DAZAP1: variants seen among roughly 807,000 people sequenced by gnomAD.
DAZAP1 encodes the protein DAZ-associated protein 1.
Under a neutral mutation model 60.1 loss-of-function variants are expected in DAZAP1, and 6 were observed. That is an observed-to-expected ratio of 0.10 (90% CI 0.05 to 0.20). The LOEUF is 0.20. DAZAP1 is among the 10% of genes least tolerant of loss of function. The probability of loss-of-function intolerance (pLI) is 1.00; values close to 1 mark genes in which losing one functional copy is unlikely to be tolerated. For missense variants in DAZAP1, 366 were observed against 560.4 expected, an observed-to-expected ratio of 0.65 and a Z score of 3.50; for synonymous variants, 235 against 215.9, an observed-to-expected ratio of 1.09 and a Z score of -0.78.
rs1355328357 is a variant in DAZAP1, at chr19:1,435,406, G to C, written c.*494G>C. ...TAGTCCCCTCGCTCCTGGCTTTGGG[G>C]GTTGGGACTTGGTGGTCCAGAAACT... is the stretch of plus-strand genomic sequence containing the variant. On this transcript the variant is annotated 3_prime_UTR_variant, in exon 12 of 12. Coordinates refer to ENST00000233078, the MANE Select transcript of DAZAP1 (RefSeq NM_018959.4). 1 of 152,282 alleles carries C rather than the reference G, an allele frequency of 6.6e-6. No individual in the cohort carries two copies. The highest frequency in any genetic ancestry group is 1.5e-5 in the Non-Finnish European group (1 of 68,046). The allele number at this position is 152,282 out of a possible 1,614,324, so 9.4% of individuals were successfully genotyped here. A position where few individuals can be genotyped will look rare whatever the true frequency, so the allele number is the denominator to read the frequency against.
In DAZAP1 at chr19:1,419,762, C is replaced by T. The variant is rs528592528; in HGVS notation, c.303+1031C>T. 2.1e-4 allele frequency among the ~76,000 whole-genome samples: 32 copies of T among 152,098 alleles called. No individual in the cohort carries two copies. In the South Asian group the frequency reaches 6.2e-3, roughly 30 times the overall value. ...ACTCATGAAACCATCCCGACCGTCA[C>T]GGCAGCGAGCACTCACCCCACGCAC... On this transcript the variant is annotated intron_variant, in intron 4 of 11. Coordinates refer to ENST00000233078, the MANE Select transcript of DAZAP1 (RefSeq NM_018959.4).
intron 4 of DAZAP1, among the ~76,000 whole-genome samples, chr19:1,419,522 G>A (rs375700602): frequency 2.6e-5 from 4 of 152,206 alleles, no homozygotes; most frequent in Admixed American, 1.3e-4. Context: ...CCGTCAGCAC[G>A]CTGGAAAGCG....
Position 1,432,491 on chromosome 19 carries a change from C to T in DAZAP1, c.872-23C>T. The stretch of plus-strand genomic sequence containing the variant: ...CCCAGCTGCACAACGTGTCTTGTGC[C>T]TTGCCCTCTTGTACCTCTGCAGGTT... On this transcript the variant is annotated intron_variant, in intron 10 of 11. Coordinates refer to ENST00000233078, the MANE Select transcript of DAZAP1 (RefSeq NM_018959.4). This position sits in a 1 kb window ranked among gnomAD's most constrained non-coding sequence, Gnocchi z 4.9. The T allele has an allele frequency of 6.2e-7, 1 of 1,613,450 alleles. No individual in the cohort carries two copies. Among genetic ancestry groups the T allele is most frequent in the Non-Finnish European group, 8.5e-7 (1 of 1,179,850 alleles).
chr19:1,435,465 T>C lies in DAZAP1; in HGVS notation c.*553T>C, dbSNP rs1483395018. 6.6e-6 allele frequency: 1 copy of C among 152,148 alleles called. No homozygotes were observed. Among genetic ancestry groups the C allele is most frequent in the East Asian group, 1.9e-4 (1 of 5,194 alleles). The allele number at this position is 152,148 out of a possible 1,614,324, so 9.4% of individuals were successfully genotyped here. ...TTCTAGAAGAAATCTACTGAGTGTA[T>C]TTCTGTTTTTTGTTTAATTCCTTGC... On this transcript the variant is annotated 3_prime_UTR_variant, in exon 12 of 12. Coordinates refer to ENST00000233078, the MANE Select transcript of DAZAP1 (RefSeq NM_018959.4).
chr19:1,414,108 C>T (rs1211520930), intron 1 of DAZAP1, among the ~76,000 whole-genome samples: 1 of 151,652 alleles, frequency 6.6e-6, no homozygotes. Flanking sequence ...CTCCGCCTCC[C>T]GGGTTCAAGC....
At chr19:1,431,198 G>C (rs912323914) in intron 10 of DAZAP1, among the ~76,000 whole-genome samples, 1 of 150,696 alleles carries the variant, frequency 6.6e-6, no homozygotes, top group Non-Finnish European at 1.5e-5. Flanking sequence ...GCGCCATCTC[G>C]GCTTACTGCA....
rs1213993593 is a variant in DAZAP1, at chr19:1,434,422, G to A, written c.1049-315G>A. The A allele has an allele frequency of 1.5e-5, 5 of 327,476 alleles. No homozygotes were observed. Among genetic ancestry groups the A allele is most frequent in the Non-Finnish European group, 2.8e-5 (5 of 175,798 alleles). 20.3% of individuals were successfully genotyped at this position (327,476 alleles called of 1,614,324 possible). On this transcript the variant is annotated intron_variant, in intron 11 of 11. Transcript: ENST00000233078. The surrounding 1 kb of genome is among the most constrained non-coding windows in gnomAD (Gnocchi z 8.0). ...GCCATGTGTGTCTCCAAGCCCCGAG[G>A]CTTCTCTACCTCCCCTCACCCCCCC...
chr19:1,418,689 C>A lies in DAZAP1; in HGVS notation c.261C>A (p.Pro87=). Residue 87 remains proline (P), a synonymous_variant, in exon 4 of 12, where the codon CCC becomes CCA. Transcript: ENST00000233078. The surrounding 1 kb of genome is among the most constrained non-coding windows in gnomAD (Gnocchi z 5.7). ...GRNIDPKPCT[P]RGMQPERTRP... ...AGATCGACCCCAAGCCATGCACACCCCGGGGGATGCAGCCGGAGAGAACAC... is the reference window on the plus strand; with the variant it reads ...AGATCGACCCCAAGCCATGCACACCACGGGGGATGCAGCCGGAGAGAACAC... 6.2e-7 allele frequency: 1 copy of A among 1,613,870 alleles called. No individual in the cohort carries two copies. The highest frequency in any genetic ancestry group is 8.5e-7 in the Non-Finnish European group (1 of 1,179,884).
chr19:1,418,687 C>A lies in DAZAP1; in HGVS notation c.259C>A (p.Pro87Thr). Reference protein sequence around the residue: ...GRNIDPKPCTPRGMQPERTRP... With the variant: ...GRNIDPKPCTTRGMQPERTRP... ...GCAGATCGACCCCAAGCCATGCACA[C>A]CCCGGGGGATGCAGCCGGAGAGAAC... Residue 87 changes from proline to threonine, a missense_variant, in exon 4 of 12, where the codon CCC becomes ACC. Pro to Thr is a conservative substitution (Grantham distance 38, BLOSUM62 -1). Transcript: ENST00000233078. This position sits in a 1 kb window ranked among gnomAD's most constrained non-coding sequence, Gnocchi z 5.7. The A allele has an allele frequency of 6.2e-7, 1 of 1,613,938 alleles. No homozygotes were observed. Among genetic ancestry groups the A allele is most frequent in the Non-Finnish European group, 8.5e-7 (1 of 1,179,908 alleles).
Position 1,425,451 on chromosome 19 carries a change from C to G in DAZAP1, c.464-427C>G, listed in dbSNP as rs1239165272. ...CTGCAGGGTTCACTGGCAATCTCCC[C>G]ACAGGCGAGAGCCAGAATATTCAAG... On this transcript the variant is annotated intron_variant, in intron 6 of 11. Coordinates refer to ENST00000233078, the MANE Select transcript of DAZAP1 (RefSeq NM_018959.4). The surrounding 1 kb of genome is among the most constrained non-coding windows in gnomAD (Gnocchi z 5.4). Among the ~76,000 whole-genome samples the G allele has an allele frequency of 6.6e-6, 1 of 152,240 alleles. No homozygotes were observed. The highest frequency in any genetic ancestry group is 1.5e-5 in the Non-Finnish European group (1 of 68,032).
chr19:1,429,891 A>G lies in DAZAP1; in HGVS notation c.701-76A>G. The G allele has an allele frequency of 4.5e-6, 7 of 1,542,358 alleles. No individual in the cohort carries two copies. In the South Asian group the frequency reaches 7.2e-5, roughly 16 times the overall value. ...GGGTTGGTCCCAGCCCTTGACGTCC[A>G]TGCTCTGCGGCTCCTTCTCTGCGTC... On this transcript the variant is annotated intron_variant, in intron 8 of 11. Coordinates refer to ENST00000233078, the MANE Select transcript of DAZAP1 (RefSeq NM_018959.4).
At chr19:1,419,771 G>A (rs939669235) in intron 4 of DAZAP1, among the ~76,000 whole-genome samples, 3 of 151,778 alleles carry the variant, frequency 2.0e-5, no homozygotes, top group Non-Finnish European at 4.4e-5. Context: ...ACGGCAGCGA[G>A]CACTCACCCC....
At chr19:1,419,018 C>T (rs541841043) in intron 4 of DAZAP1, among the ~76,000 whole-genome samples, 41 of 151,702 alleles carry the variant, frequency 2.7e-4, no homozygotes, top group African/African-American at 4.4e-4. Flanking sequence ...CCCTCTGTGC[C>T]GGGCCTGCCC....
rs75602592 is a variant in DAZAP1 at position 1,419,204 on chromosome 19, G to A, written c.303+473G>A. 9.5e-4 allele frequency among the ~76,000 whole-genome samples: 144 copies of A among 152,328 alleles called. 1 individual carries two copies. The East Asian group carries it at 0.026, about 27-fold the overall frequency. On this transcript the variant is annotated intron_variant, in intron 4 of 11. Transcript: ENST00000233078. ...TGCCTGGCCGACAGGGCACTGTCCT[G>A]GCATGGGGTCTCCTTGGCATTTGGG...
chr19:1,430,812 C>T (rs1319695999), intron 10 of DAZAP1, among the ~76,000 whole-genome samples: 5 of 151,810 alleles, frequency 3.3e-5, no homozygotes, highest in Non-Finnish European at 1.5e-5. Flanking sequence ...GCTCCGCCTC[C>T]TGGGTTCACA....
In DAZAP1 at chr19:1,433,079, C is replaced by T. The variant is rs2083495648; in HGVS notation, c.1048+389C>T. ...TTCCAGTTTCTGGCGTCATCAGCCT[C>T]CTGCTGGGTCCAGACCCCGCTTGGG... On this transcript the variant is annotated intron_variant, in intron 11 of 11. Transcript: ENST00000233078. The surrounding 1 kb of genome is among the most constrained non-coding windows in gnomAD (Gnocchi z 6.1). 1 of 220,804 alleles carries T rather than the reference C, an allele frequency of 4.5e-6. No individual in the cohort carries two copies. The highest frequency in any genetic ancestry group is 9.1e-6 in the Non-Finnish European group (1 of 110,286). The allele number at this position is 220,804 out of a possible 1,614,324, so 13.7% of individuals were successfully genotyped here. A position where few individuals can be genotyped will look rare whatever the true frequency, so the allele number is the denominator to read the frequency against.
chr19:1,424,371 CT>C (rs1487431903), intron 6 of DAZAP1, among the ~76,000 whole-genome samples: 6 of 138,118 alleles, frequency 4.3e-5, no homozygotes, highest in African/African-American at 1.6e-4. Flanking sequence ...CCCCCTCCCC[CT>C]CCGTCTGGTT....
At position 1,434,694 on chromosome 19, in the gene DAZAP1, C is replaced by T. The variant is rs780673931; in HGVS notation, c.1049-43C>T. On this transcript the variant is annotated intron_variant, in intron 11 of 11. Transcript: ENST00000233078. This position sits in a 1 kb window ranked among gnomAD's most constrained non-coding sequence, Gnocchi z 8.0. ...TGGCCTCGCTCGACGGCAGTGCCAA[C>T]CGCCCAGGGACCGCCCCGAGCTCAC... 15 of 1,601,854 alleles carry T rather than the reference C, an allele frequency of 9.4e-6. No homozygotes were observed. In the African/African-American group the frequency reaches 1.8e-4, roughly 19 times the overall value.
chr19:1,433,593 G>C lies in DAZAP1; in HGVS notation c.1048+903G>C. 3.1e-6 allele frequency: 2 copies of C among 648,592 alleles called. No homozygotes were observed. The highest frequency in any genetic ancestry group is 5.4e-6 in the Non-Finnish European group (2 of 371,220). The allele number at this position is 648,592 out of a possible 1,614,324, so 40.2% of individuals were successfully genotyped here. A position where few individuals can be genotyped will look rare whatever the true frequency, so the allele number is the denominator to read the frequency against. On this transcript the variant is annotated intron_variant, in intron 11 of 11. Transcript: ENST00000233078. This position sits in a 1 kb window ranked among gnomAD's most constrained non-coding sequence, Gnocchi z 6.1. Reference sequence around the variant, plus strand: ...TTGGGCCGAGGTTGCCGCATGTGTGGGTTCTTGACCCACTCACCACCAAAC... The same window carrying C: ...TTGGGCCGAGGTTGCCGCATGTGTGCGTTCTTGACCCACTCACCACCAAAC...
Sources: allele counts gnomAD v4.1 joint callset (sites outside exome capture counted in the v4.1 genomes callset), GRCh38; gene constraint gnomAD v4.1.1; non-coding constraint Gnocchi (gnomAD v3.1); transcripts MANE v1.5; gene names NCBI Gene and HGNC (gene_info 2026-07-23, HGNC 2026-07-21).